Variants in ZC3H15 observed in about 807,000 individuals in gnomAD.
The protein encoded by ZC3H15 is zinc finger CCCH-type containing 15, also known as zinc finger CCCH domain-containing protein 15.
Under a neutral mutation model 51.2 loss-of-function variants are expected in ZC3H15, and 15 were observed. That is an observed-to-expected ratio of 0.29 (90% CI 0.20 to 0.45). The LOEUF (loss-of-function observed/expected upper bound fraction) is 0.45, where lower values mean the gene tolerates loss of function less well. ZC3H15 is among the 20% of genes least tolerant of loss of function. The pLI is 1.00. For synonymous variants in ZC3H15, 144 were observed against 162.8 expected, an observed-to-expected ratio of 0.88 and a Z score of 0.88; for missense variants, 381 against 494.7, an observed-to-expected ratio of 0.77 and a Z score of 2.18.
At chr2:186,501,870 C>A (rs762584601) in intron 4 of ZC3H15, among the ~76,000 whole-genome samples, 1 of 152,008 alleles carries the variant, frequency 6.6e-6, no homozygotes, top group South Asian at 2.1e-4. Context: ...TGCCGCCACG[C>A]CCAGCTCATT....
intron 8 of ZC3H15, 49 bp from the exon 9 acceptor site, chr2:186,506,664 G>A: frequency 1.3e-6 from 2 of 1,562,058 alleles, no homozygotes; most frequent in Non-Finnish European, 1.7e-6. Flanking sequence ...AGGAGTAAAA[G>A]AAAACTGTTC....
At position 186,491,489 on chromosome 2, in the gene ZC3H15, A is replaced by G. The variant is rs1013187385; in HGVS notation, c.76-3744A>G. Among the ~76,000 whole-genome samples the G allele has an allele frequency of 3.9e-5, 6 of 152,200 alleles. No homozygotes were observed. In the East Asian group the frequency reaches 1.2e-3, roughly 29 times the overall value. ...GTAACTGTGCCAGGGATTCTAACAC[A>G]GGAAGTCTGCCTCTAGAGTCCTTGC... On this transcript the variant is annotated intron_variant, in intron 1 of 9. Transcript: ENST00000337859.
At chr2:186,489,132 A>G (rs1350335001) in intron 1 of ZC3H15, 1 of 152,196 alleles carries the variant, frequency 6.6e-6, no homozygotes, top group Non-Finnish European at 1.5e-5. Flanking sequence ...ACATCTTGTA[A>G]TCTAGATGTT....
intron 3 of ZC3H15, 30 bp from the exon 4 acceptor site, chr2:186,501,243 A>T: frequency 6.5e-7 from 1 of 1,542,980 alleles, no homozygotes; most frequent in Non-Finnish European, 8.7e-7. Context: ...GGCAGATTAT[A>T]ATACAAATAC....
In ZC3H15 at chr2:186,506,834, A is replaced by G. The variant is rs756103899; in HGVS notation, c.1088A>G (p.Asp363Gly). 1.9e-6 allele frequency: 3 copies of G among 1,609,076 alleles called. No individual in the cohort carries two copies. In the Admixed American group the frequency reaches 5.1e-5, roughly 27 times the overall value. Residue 363 changes from aspartate to glycine, a missense_variant and splice_region_variant, in exon 9 of 10, where the codon GAT (aspartate) becomes GGT (glycine). By Grantham distance (94) the Asp-to-Gly change is moderately conservative (BLOSUM62 -1). Around this residue, in one of 3 missense-constraint regions of ZC3H15, gnomAD observed 215 missense variants for 241.8 expected, o/e 0.89. Transcript: ENST00000337859. ...ERFSTYTSDK[D>G]ENKLSEASGG... ...TTCAGCACATATACTTCAGATAAAG[A>G]TGGTAAGTATGCTAACTTTTGCCTA...
At chr2:186,491,232 C>A (rs917654454) in intron 1 of ZC3H15, among the ~76,000 whole-genome samples, 2 of 152,090 alleles carry the variant, frequency 1.3e-5, no homozygotes, top group Non-Finnish European at 2.9e-5. Flanking sequence ...TGCTTGGAGT[C>A]AAATATACCT....
chr2:186,498,972 A>G (rs1349717886), intron 2 of ZC3H15, among the ~76,000 whole-genome samples: 2 of 152,076 alleles, frequency 1.3e-5, no homozygotes, highest in African/African-American at 4.8e-5. Context: ...AGCATCTTGC[A>G]CTCTGTATGT....
intron 2 of ZC3H15, among the ~76,000 whole-genome samples, chr2:186,495,654 G>T (rs2105588031): frequency 6.6e-6 from 1 of 152,288 alleles, no homozygotes; most frequent in Middle Eastern, 3.4e-3. Flanking sequence ...AAATACAGGA[G>T]TTCTTACATG....
intron 9 of ZC3H15, 67 bp from the exon 10 acceptor site, chr2:186,508,476 G>T: frequency 2.1e-6 from 3 of 1,400,732 alleles, no homozygotes; most frequent in Non-Finnish European, 3.0e-6. Context: ...AGTCTATGTT[G>T]TCTATTGCTA....
intron 9 of ZC3H15, among the ~76,000 whole-genome samples, chr2:186,508,077 CATG>C (rs1317808784): frequency 3.9e-5 from 6 of 151,922 alleles, no homozygotes; most frequent in Non-Finnish European, 7.4e-5. Flanking sequence ...AATTTGATTA[CATG>C]ATGAAGATTT....
rs577186700 is a variant in ZC3H15, at chr2:186,493,377, A to G, written c.76-1856A>G. On this transcript the variant is annotated intron_variant, in intron 1 of 9. Coordinates refer to ENST00000337859, the MANE Select transcript of ZC3H15 (RefSeq NM_018471.3). Reference sequence around the variant, plus strand: ...AAAATGGAAGCTAGTAAGTCTGTACAGTAAACTGAGACCCCTTCTACCTGC... The same window carrying G: ...AAAATGGAAGCTAGTAAGTCTGTACGGTAAACTGAGACCCCTTCTACCTGC... Among the ~76,000 whole-genome samples, 9 of 152,290 alleles carry G rather than the reference A, an allele frequency of 5.9e-5. No homozygotes were observed. In the South Asian group the frequency reaches 1.5e-3, roughly 25 times the overall value.
chr2:186,491,763 G>C (rs1685203585), intron 1 of ZC3H15, among the ~76,000 whole-genome samples: 1 of 151,974 alleles, frequency 6.6e-6, no homozygotes, highest in Admixed American at 6.6e-5. Context: ...TAGAATTGTT[G>C]AGAGGATTCA....
At chr2:186,492,275 T>G (rs935713810) in intron 1 of ZC3H15, among the ~76,000 whole-genome samples, 1 of 152,240 alleles carries the variant, frequency 6.6e-6, no homozygotes, top group African/African-American at 2.4e-5. Flanking sequence ...TGGCATTTTA[T>G]ACTTAGTTGC....
At chr2:186,504,936 T>A (rs936121926) in intron 6 of ZC3H15, among the ~76,000 whole-genome samples, 1 of 152,204 alleles carries the variant, frequency 6.6e-6, no homozygotes, top group Non-Finnish European at 1.5e-5. Context: ...AATTCCCCAT[T>A]ACCCTTTGTT....
At chr2:186,502,628 AT>A in intron 5 of ZC3H15, 41 bp downstream of exon 5, 1 of 1,473,448 alleles carries the variant, frequency 6.8e-7, no homozygotes, top group Non-Finnish European at 9.4e-7. Flanking sequence ...GATATTTATC[AT>A]TAGGGAGAAT....
intron 1 of ZC3H15, among the ~76,000 whole-genome samples, chr2:186,494,882 G>C (rs1010794937): frequency 6.6e-6 from 1 of 151,750 alleles, no homozygotes; most frequent in Non-Finnish European, 1.5e-5. Context: ...CGAGTTAATG[G>C]GTGCAGCACA....
At chr2:186,490,706 A>T (rs1482064970) in intron 1 of ZC3H15, among the ~76,000 whole-genome samples, 1 of 152,136 alleles carries the variant, frequency 6.6e-6, no homozygotes. Flanking sequence ...CATCTTATTT[A>T]AGCAGTGGAG....
chr2:186,501,973 G>T (rs1446732853), intron 4 of ZC3H15, among the ~76,000 whole-genome samples: 1 of 152,044 alleles, frequency 6.6e-6, no homozygotes, highest in Non-Finnish European at 1.5e-5. Context: ...GCCTCTCAAA[G>T]TGCTGGGATT....
chr2:186,505,476 C>T lies in ZC3H15; in HGVS notation c.743C>T (p.Thr248Ile). The T allele has an allele frequency of 6.4e-7, 1 of 1,573,428 alleles. No individual in the cohort carries two copies. Among genetic ancestry groups the T allele is most frequent in the South Asian group, 1.2e-5 (1 of 83,022 alleles). Residue 248 changes from threonine to isoleucine, a missense_variant, in exon 7 of 10, where the codon ACC becomes ATC. By Grantham distance (89) the Thr-to-Ile change is moderately conservative (BLOSUM62 -1). Coordinates refer to ENST00000337859, the MANE Select transcript of ZC3H15 (RefSeq NM_018471.3). ...CGTTCTGCCCTAGGTCCAAATGTTA[C>T]CAAAATCACTCTAGAATCTTTTCTT... ...RERSALGPNV[T>I]KITLESFLAW...
Sources: gnomAD v4.1 joint callset for allele counts (sites outside exome capture counted in the v4.1 genomes callset) on GRCh38, gnomAD v4.1.1 for gene constraint, gnomAD v4.1.1 regional missense constraint, MANE v1.5 for transcripts, NCBI Gene and HGNC (gene_info 2026-07-23, HGNC 2026-07-21) for gene names.